Variants in SAMD8 observed in about 807,000 individuals in gnomAD.
The protein encoded by SAMD8 is sphingomyelin synthase-related protein 1.
A neutral mutation model predicts 42.0 loss-of-function variants in SAMD8; 20 were observed. The ratio of observed to expected loss-of-function variants is 0.48; its 90% CI spans 0.34 to 0.69. SAMD8 has a LOEUF of 0.69. SAMD8 is among the 30% of genes least tolerant of loss of function. The pLI is 0.01. For synonymous variants in SAMD8, 162 were observed against 173.0 expected (o/e 0.94, Z 0.50); for missense variants, 328 against 511.6 (o/e 0.64, Z 3.46).
chr10:75,168,783 A>T, intron 4 of SAMD8, 125 bp downstream of exon 4: 1 of 617,528 alleles, frequency 1.6e-6, no homozygotes, highest in Non-Finnish European at 2.9e-6. Flanking sequence ...GTCTATAAAA[A>T]AAACTATAGA....
intron 1 of SAMD8, chr10:75,105,539 C>G: frequency 9.8e-7 from 1 of 1,016,116 alleles, no homozygotes; most frequent in South Asian, 1.6e-5. Flanking sequence ...TTAATCCTCA[C>G]TTCCAGCCAC....
intron 1 of SAMD8, among the ~76,000 whole-genome samples, chr10:75,104,388 C>T (rs1848367083): frequency 6.6e-6 from 1 of 152,164 alleles, no homozygotes; most frequent in Admixed American, 6.5e-5. Context: ...CCTGGGGCCT[C>T]CAGTTGCACA....
intron 2 of SAMD8, among the ~76,000 whole-genome samples, chr10:75,163,913 G>A (rs1324005214): frequency 3.3e-5 from 5 of 151,978 alleles, no homozygotes; most frequent in Admixed American, 2.0e-4. Context: ...AGAGAAAGAG[G>A]TAAAACAAAA....
chr10:75,106,101 C>CTT (rs767630456), intron 1 of SAMD8, among the ~76,000 whole-genome samples: 9 of 123,020 alleles, frequency 7.3e-5, no homozygotes, highest in African/African-American at 9.6e-5. Context: ...TCTTTCTTTT[C>CTT]TTTTTTTTTT....
intron 1 of SAMD8, chr10:75,105,848 C>T (rs1319758216): frequency 6.4e-7 from 1 of 1,550,430 alleles, no homozygotes; most frequent in African/African-American, 1.4e-5. Flanking sequence ...ACGCCCACCA[C>T]ACAGTGCACC....
At chr10:75,147,185 T>G (rs1338265148) in intron 1 of SAMD8, among the ~76,000 whole-genome samples, 1 of 151,626 alleles carries the variant, frequency 6.6e-6, no homozygotes, top group African/African-American at 2.4e-5. Context: ...TTGAACAGAG[T>G]ATGAGAGGAA....
intron 1 of SAMD8, among the ~76,000 whole-genome samples, chr10:75,112,930 G>T (rs1020846305): frequency 6.6e-6 from 1 of 152,176 alleles, no homozygotes; most frequent in Non-Finnish European, 1.5e-5. Context: ...CAGTCTAGGC[G>T]CAATACCAAA....
At position 75,159,063 on chromosome 10, in the gene SAMD8, C is replaced by CTTTTTTTTTTTTTT. The variant is rs530043259; in HGVS notation, c.579-5569_579-5568insTTTTTTTTTTTTTT. Among the ~76,000 whole-genome samples the CTTTTTTTTTTTTTT allele has an allele frequency of 2.8e-4, 37 of 133,444 alleles. 1 individual carries two copies. The highest frequency in any genetic ancestry group is 4.6e-4 in the African/African-American group (16 of 34,436). 87.5% of individuals were successfully genotyped at this position (133,444 alleles called of 152,430 possible). On this transcript the variant is annotated intron_variant, in intron 2 of 5. Transcript: ENST00000542569. ...TGTAGACAAATTTTTTTTTCTTTTT[C>CTTTTTTTTTTTTTT]TTTTTTTTTTTTTGAGACAGAGTCT...
rs1386891081 is a variant in SAMD8, at chr10:75,148,385, G to T, written c.-15-2129G>T. Among the ~76,000 whole-genome samples, 11 of 102,014 alleles carry T rather than the reference G, an allele frequency of 1.1e-4. No individual in the cohort carries two copies. The Admixed American group carries it at 1.4e-3, about 13-fold the overall frequency. 66.9% of individuals were successfully genotyped at this position (102,014 alleles called of 152,430 possible). The stretch of plus-strand genomic sequence containing the variant: ...TTTTTTTTTTTTGAGACAGAGTCTT[G>T]CTCTGTCGCCCAGGCTGGTGTGCAA... On this transcript the variant is annotated intron_variant, in intron 1 of 5. Coordinates refer to ENST00000542569, the MANE Select transcript of SAMD8 (RefSeq NM_001174156.2).
At chr10:75,138,551 G>A (rs1204699955) in intron 1 of SAMD8, among the ~76,000 whole-genome samples, 1 of 152,132 alleles carries the variant, frequency 6.6e-6, no homozygotes, top group Non-Finnish European at 1.5e-5. Context: ...TAATGTTTAG[G>A]AGTACCAAAT....
At chr10:75,175,082 G>C (rs1195599789) in intron 4 of SAMD8, among the ~76,000 whole-genome samples, 2 of 152,172 alleles carry the variant, frequency 1.3e-5, no homozygotes, top group African/African-American at 2.4e-5. Context: ...TTCACCTCCA[G>C]TTGAATGAGT....
At chr10:75,148,649 G>A (rs748095091) in intron 1 of SAMD8, among the ~76,000 whole-genome samples, 33 of 152,204 alleles carry the variant, frequency 2.2e-4, no homozygotes, top group South Asian at 1.0e-3. Context: ...CACCGCGCCC[G>A]GCCGCAGTAC....
At position 75,164,750 on chromosome 10, in the gene SAMD8, T is replaced by A. The variant is rs1300808002; in HGVS notation, c.674+10T>A. 6.3e-7 allele frequency: 1 copy of A among 1,583,120 alleles called. No individual in the cohort carries two copies. On this transcript the variant is annotated intron_variant, in intron 3 of 5. Transcript: ENST00000542569. The stretch of plus-strand genomic sequence containing the variant: ...TTCTTCACAAGCACAGGTACCTCAT[T>A]ACTCCATTAAATGACTGAAAATGTT...
chr10:75,111,578 CCT>C, upstream of SAMD8: 1 of 1,252,138 alleles, frequency 8.0e-7, no homozygotes, highest in Non-Finnish European at 1.0e-6. Context: ...ACCGCCCCCG[CCT>C]CCACTCCGGC....
In SAMD8 at chr10:75,176,035, T is replaced by G; in HGVS notation, c.793-31T>G. 6.3e-7 allele frequency: 1 copy of G among 1,597,262 alleles called. No homozygotes were observed. The highest frequency in any genetic ancestry group is 8.5e-7 in the Non-Finnish European group (1 of 1,171,258). On this transcript the variant is annotated intron_variant, in intron 4 of 5. Coordinates refer to ENST00000542569, the MANE Select transcript of SAMD8 (RefSeq NM_001174156.2). This position sits in a 1 kb window ranked among gnomAD's most constrained non-coding sequence, Gnocchi z 4.3. ...GGAAGTTCCCACCTCCCTAAGCATT[T>G]GAAGCACTAATTCATAACTTTTCTT...
chr10:75,108,581 C>G (rs1363218314), upstream of SAMD8, among the ~76,000 whole-genome samples: 1 of 152,196 alleles, frequency 6.6e-6, no homozygotes. Context: ...ATACCTGCTT[C>G]TAACCTACAA....
chr10:75,108,941 T>C, upstream of SAMD8: 1 of 1,533,350 alleles, frequency 6.5e-7, no homozygotes, highest in Non-Finnish European at 8.8e-7. Context: ...CTCCTGTGTC[T>C]GGTAAAGCGA....
At chr10:75,168,310 T>G (rs1995571) in intron 3 of SAMD8, 58,136 of 415,506 alleles carry the variant, frequency 0.14, 4,696 homozygotes, top group East Asian at 0.25. Context: ...TTCAAGTCCG[T>G]AAGATCCACA....
At position 75,150,960 on chromosome 10, in the gene SAMD8, A is replaced by G; in HGVS notation, c.432A>G (p.Arg144=). The change falls in exon 2 of 6, where the codon AGA becomes AGG. Residue 144 remains arginine (R), a synonymous_variant. Transcript: ENST00000542569. ...MNGKNKHSVR[R]LDPEYWKTIL... Reference sequence around the variant, plus strand: ...GTAAAAACAAACATTCTGTTCGAAGATTGGACCCAGAATACTGGAAGACTA... The same window carrying G: ...GTAAAAACAAACATTCTGTTCGAAGGTTGGACCCAGAATACTGGAAGACTA... 6.2e-7 allele frequency: 1 copy of G among 1,613,208 alleles called. No homozygotes were observed.
Sources: gnomAD v4.1 joint callset for allele counts (sites outside exome capture counted in the v4.1 genomes callset) on GRCh38, gnomAD v4.1.1 for gene constraint, Gnocchi (gnomAD v3.1) non-coding constraint, MANE v1.5 for transcripts, NCBI Gene and HGNC (gene_info 2026-07-23, HGNC 2026-07-21) for gene names.